ETFA: variants seen among roughly 807,000 people sequenced by gnomAD.
The protein encoded by ETFA is electron transfer flavoprotein subunit alpha.
In ETFA, 22 loss-of-function variants were observed where a neutral mutation model predicts 46.2. The ratio of observed to expected loss-of-function variants is 0.48; its 90% confidence interval spans 0.34 to 0.68. The LOEUF is 0.68. Among genes scored for constraint, ETFA ranks in the 30% least tolerant of loss-of-function variants. The pLI is 0.01. For synonymous variants in ETFA, 131 were observed against 139.9 expected (o/e 0.94, Z 0.45); for missense variants, 345 against 401.1 (o/e 0.86, Z 1.19).
chr15:76,288,807 T>C (rs2039726926), intron 4 of ETFA, among the ~76,000 whole-genome samples: 1 of 151,426 alleles, frequency 6.6e-6, no homozygotes, highest in African/African-American at 2.4e-5. Context: ...AATAAAGGTG[T>C]GTTCTTGTGC....
At chr15:76,241,233 G>A (rs1385448363) in intron 9 of ETFA, among the ~76,000 whole-genome samples, 2 of 152,130 alleles carry the variant, frequency 1.3e-5, no homozygotes, top group African/African-American at 4.8e-5. Flanking sequence ...GGGTGCAGTG[G>A]CTCATGCCTG....
At chr15:76,282,871 G>T (rs942044483) in intron 8 of ETFA, among the ~76,000 whole-genome samples, 2 of 152,052 alleles carry the variant, frequency 1.3e-5, no homozygotes, top group South Asian at 4.2e-4. Flanking sequence ...GCCTAGGCTG[G>T]TCTCAAATTC....
At chr15:76,238,240 C>T (rs1246277282) in intron 9 of ETFA, among the ~76,000 whole-genome samples, 1 of 152,020 alleles carries the variant, frequency 6.6e-6, no homozygotes, top group Non-Finnish European at 1.5e-5. Context: ...ATATGAAATA[C>T]GAATATGAGT....
At chr15:76,302,523 G>C (rs531069584) in intron 1 of ETFA, among the ~76,000 whole-genome samples, 1 of 143,948 alleles carries the variant, frequency 6.9e-6, no homozygotes, top group African/African-American at 2.6e-5. Context: ...GTTTTTTGTT[G>C]TTGTTGTTTT....
chr15:76,224,847 G>A (rs1264874402), intron 11 of ETFA, among the ~76,000 whole-genome samples: 4 of 152,122 alleles, frequency 2.6e-5, no homozygotes, highest in Admixed American at 6.5e-5. Flanking sequence ...ACCAGGCCAC[G>A]CATGAGTCAT....
At chr15:76,251,723 C>A (rs1177938004) in intron 9 of ETFA, among the ~76,000 whole-genome samples, 1 of 152,166 alleles carries the variant, frequency 6.6e-6, no homozygotes, top group African/African-American at 2.4e-5. Context: ...CATGGGGCTT[C>A]CTGATAAAAT....
intron 9 of ETFA, among the ~76,000 whole-genome samples, chr15:76,263,577 T>C (rs1012906893): frequency 6.6e-6 from 1 of 152,252 alleles, no homozygotes; most frequent in African/African-American, 2.4e-5. Flanking sequence ...CACTCTTTAG[T>C]ACAGTAAAGC....
At chr15:76,281,428 A>ATT (rs1163521200) in intron 8 of ETFA, among the ~76,000 whole-genome samples, 1 of 139,028 alleles carries the variant, frequency 7.2e-6, no homozygotes, top group Admixed American at 7.2e-5. Flanking sequence ...ACTCTCTAAC[A>ATT]TTTTTTTTTT....
intron 9 of ETFA, chr15:76,261,289 A>G (rs2039409677): frequency 6.4e-7 from 1 of 1,560,098 alleles, no homozygotes; most frequent in African/African-American, 1.4e-5. Context: ...CACTGTGAAA[A>G]GTGGCACACC....
intron 9 of ETFA, among the ~76,000 whole-genome samples, chr15:76,247,879 AAATT>A: frequency 6.6e-6 from 1 of 152,318 alleles, no homozygotes; most frequent in East Asian, 1.9e-4. Context: ...AATTGAGGGA[AAATT>A]ATTTGAGGTT....
intron 11 of ETFA, among the ~76,000 whole-genome samples, chr15:76,219,658 A>T (rs2038938834): frequency 6.6e-6 from 1 of 152,248 alleles, no homozygotes; most frequent in African/African-American, 2.4e-5. Context: ...GAAAATGGGC[A>T]AAAGAGGTGG....
intron 8 of ETFA, among the ~76,000 whole-genome samples, chr15:76,276,802 G>C (rs187589779): frequency 6.6e-6 from 1 of 151,996 alleles, no homozygotes; most frequent in Non-Finnish European, 1.5e-5. Context: ...TAGCATTTCT[G>C]TTTCTTTCGT....
chr15:76,297,697 A>G (rs931253281), intron 1 of ETFA, among the ~76,000 whole-genome samples: 9 of 152,210 alleles, frequency 5.9e-5, no homozygotes, highest in African/African-American at 2.2e-4. Flanking sequence ...GATTTATCAA[A>G]ATTAGATTTA....
intron 9 of ETFA, among the ~76,000 whole-genome samples, chr15:76,266,344 A>G (rs899046514): frequency 2.0e-4 from 31 of 152,354 alleles, no homozygotes; most frequent in Admixed American, 1.2e-3. Context: ...TACTGCCACA[A>G]GGCATATTAA....
chr15:76,232,665 C>A (rs2039081040), intron 9 of ETFA, among the ~76,000 whole-genome samples: 1 of 152,112 alleles, frequency 6.6e-6, no homozygotes, highest in Admixed American at 6.5e-5. Context: ...ATGTTATTAC[C>A]TCCTAATGTC....
intron 9 of ETFA, among the ~76,000 whole-genome samples, chr15:76,235,595 A>T (rs1168805596): frequency 2.0e-5 from 3 of 152,212 alleles, no homozygotes; most frequent in Non-Finnish European, 4.4e-5. Flanking sequence ...TTCTTACTGT[A>T]CCTTACAGGT....
intron 1 of ETFA, among the ~76,000 whole-genome samples, chr15:76,310,594 A>G (rs1426443208): frequency 6.6e-6 from 1 of 152,144 alleles, no homozygotes; most frequent in Non-Finnish European, 1.5e-5. Context: ...CCTTCTCACA[A>G]CAGAAGAGAG....
intron 1 of ETFA, among the ~76,000 whole-genome samples, chr15:76,305,000 G>A (rs915037645): frequency 2.0e-5 from 3 of 148,190 alleles, no homozygotes; most frequent in Admixed American, 6.7e-5. Flanking sequence ...TCGAGATGGC[G>A]CCACTGCACT....
At chr15:76,295,493 G>T in intron 2 of ETFA, 98 bp downstream of exon 2, 2 of 1,030,772 alleles carry the variant, frequency 1.9e-6, no homozygotes, top group Non-Finnish European at 3.1e-6. Context: ...TTAGAGCCCA[G>T]TTTGGGTTAC....
Sources: gnomAD v4.1 joint callset for allele counts (sites outside exome capture counted in the v4.1 genomes callset) on GRCh38, gnomAD v4.1.1 for gene constraint, MANE v1.5 for transcripts, NCBI Gene and HGNC (gene_info 2026-07-23, HGNC 2026-07-21) for gene names.